The following ATP8B4 variants were observed in gnomAD, a reference collection of about 807,000 sequenced individuals.
The protein encoded by ATP8B4 is ATPase phospholipid transporting 8B4 (putative).
ATP8B4 carries 133 observed loss-of-function variants against 145.6 expected under a neutral mutation model. The observed-to-expected ratio is 0.91, with a 90% CI of 0.79 to 1.05. ATP8B4 has a LOEUF of 1.05. Ranked by LOEUF, ATP8B4 falls within the 50% of genes least tolerant of loss-of-function variation. The pLI is 0.00. For synonymous variants in ATP8B4, 507 were observed against 492.9 expected, an observed-to-expected ratio of 1.03 and a Z score of -0.38; for missense variants, 1,458 against 1,425.2, an observed-to-expected ratio of 1.02 and a Z score of -0.37.
At chr15:50,015,524 AC>A (rs1164030041) in intron 6 of ATP8B4, among the ~76,000 whole-genome samples, 2 of 152,176 alleles carry the variant, frequency 1.3e-5, no homozygotes, top group African/African-American at 4.8e-5. Flanking sequence ...ATTATGTATT[AC>A]CTATATAGAA....
intron 6 of ATP8B4, among the ~76,000 whole-genome samples, chr15:50,013,064 C>T (rs2048833990): frequency 6.6e-6 from 1 of 152,038 alleles, no homozygotes; most frequent in Non-Finnish European, 1.5e-5. Flanking sequence ...TTTTTCTTGT[C>T]CTACCTACAA....
intron 9 of ATP8B4, among the ~76,000 whole-genome samples, chr15:49,990,705 T>C (rs1462732824): frequency 6.6e-6 from 1 of 152,142 alleles, no homozygotes; most frequent in Non-Finnish European, 1.5e-5. Flanking sequence ...AAAATGGAAC[T>C]CAGTGCCCAA....
intron 6 of ATP8B4, among the ~76,000 whole-genome samples, chr15:50,031,919 T>C (rs762941969): frequency 8.5e-5 from 13 of 152,232 alleles, no homozygotes; most frequent in Admixed American, 6.5e-4. Context: ...ATACTTCACT[T>C]TTAAATGCTA....
At chr15:50,008,215 G>A (rs1440382279) in intron 7 of ATP8B4, among the ~76,000 whole-genome samples, 1 of 152,114 alleles carries the variant, frequency 6.6e-6, no homozygotes, top group African/African-American at 2.4e-5. Flanking sequence ...CTGCACACAG[G>A]TGCAGCTCAA....
Position 49,979,725 on chromosome 15 carries a change from A to G in ATP8B4, c.926T>C (p.Phe309Ser). ...CTTCTCTCCTTCATTCCAAAAGAGG[A>G]AAGTTCTGAATTGGTCCCCAGTTTG... Reference protein sequence around the residue: ...ESQTGDQFRTFLFWNEGEKSS... With the variant: ...ESQTGDQFRTSLFWNEGEKSS... The change falls in exon 12 of 28, where the codon TTC (phenylalanine) becomes TCC (serine). Residue 309 changes from phenylalanine to serine, a missense_variant. Phe to Ser is a radical substitution (Grantham distance 155). Coordinates refer to ENST00000284509, the MANE Select transcript of ATP8B4 (RefSeq NM_024837.4). 3 of 1,610,508 alleles carry G rather than the reference A, an allele frequency of 1.9e-6. No homozygotes were observed. Among genetic ancestry groups the G allele is most frequent in the Non-Finnish European group, 2.5e-6 (3 of 1,177,102 alleles).
chr15:50,151,291 A>G (rs1205659380), intron 1 of ATP8B4, among the ~76,000 whole-genome samples: 1 of 152,210 alleles, frequency 6.6e-6, no homozygotes, highest in African/African-American at 2.4e-5. Context: ...AACTTTTTCT[A>G]TACATATTAA....
intron 1 of ATP8B4, among the ~76,000 whole-genome samples, chr15:50,170,763 C>T (rs887037367): frequency 6.6e-6 from 1 of 152,064 alleles, no homozygotes; most frequent in African/African-American, 2.4e-5. Context: ...GATACAGAAC[C>T]ACAGAATGGA....
chr15:50,110,907 A>G (rs2056906386), intron 1 of ATP8B4, among the ~76,000 whole-genome samples: 1 of 134,330 alleles, frequency 7.4e-6, no homozygotes, highest in South Asian at 2.4e-4. Flanking sequence ...TTCCATAAAT[A>G]CTTTTTTTTT....
intron 1 of ATP8B4, among the ~76,000 whole-genome samples, chr15:50,155,062 T>C (rs1044986244): frequency 1.3e-5 from 2 of 152,158 alleles, no homozygotes; most frequent in Non-Finnish European, 2.9e-5. Context: ...ATAGATTACT[T>C]ATGAAAACTG....
intron 15 of ATP8B4, 92 bp downstream of exon 15, chr15:49,933,925 T>C (rs2153469596): frequency 2.2e-6 from 3 of 1,352,366 alleles, no homozygotes; most frequent in Non-Finnish European, 2.9e-6. Context: ...ACTGCTCAAA[T>C]GCTTAATTTG....
intron 1 of ATP8B4, among the ~76,000 whole-genome samples, chr15:50,114,094 T>C (rs1159458626): frequency 2.3e-5 from 3 of 131,082 alleles, no homozygotes; most frequent in Non-Finnish European, 4.8e-5. Context: ...CTTCTTGGTC[T>C]CCTAGTTTCT....
At chr15:50,007,130 A>G (rs1445539547) in intron 7 of ATP8B4, among the ~76,000 whole-genome samples, 3 of 152,186 alleles carry the variant, frequency 2.0e-5, no homozygotes, top group African/African-American at 4.8e-5. Context: ...AATAAAAGGT[A>G]AGTAACTTCT....
chr15:50,060,352 T>C (rs2052921405), intron 3 of ATP8B4, among the ~76,000 whole-genome samples: 2 of 152,186 alleles, frequency 1.3e-5, no homozygotes, highest in African/African-American at 2.4e-5. Flanking sequence ...AATCTACTCA[T>C]ATTCACCACA....
chr15:50,157,303 A>T (rs1041713514), intron 1 of ATP8B4, among the ~76,000 whole-genome samples: 1 of 152,210 alleles, frequency 6.6e-6, no homozygotes, highest in Non-Finnish European at 1.5e-5. Flanking sequence ...GCTTCTATCA[A>T]AAAGAGAGAG....
chr15:50,141,619 T>C (rs1033144970), intron 1 of ATP8B4, among the ~76,000 whole-genome samples: 1 of 152,152 alleles, frequency 6.6e-6, no homozygotes, highest in African/African-American at 2.4e-5. Context: ...ACAGGTGATT[T>C]ATACACACAT....
intron 9 of ATP8B4, among the ~76,000 whole-genome samples, chr15:49,993,588 A>G (rs2047200570): frequency 6.6e-6 from 1 of 152,038 alleles, no homozygotes; most frequent in Non-Finnish European, 1.5e-5. Context: ...ACTGGGGGGA[A>G]TCTAATTTGT....
Position 49,858,489 on chromosome 15 carries a change from T to C in ATP8B4, c.*1705A>G, listed in dbSNP as rs1050561731. The stretch of plus-strand genomic sequence containing the variant: ...AAGATTATCCCAGACTTGAAAATTT[T>C]GGTTTTAAAAAATTGTGACCTATAG... On this transcript the variant is annotated 3_prime_UTR_variant, in exon 28 of 28. Transcript: ENST00000284509. 2.0e-5 allele frequency: 3 copies of C among 152,210 alleles called. No homozygotes were observed. Among genetic ancestry groups the C allele is most frequent in the African/African-American group, 7.2e-5 (3 of 41,458 alleles). The allele number at this position is 152,210 out of a possible 1,614,324, so 9.4% of individuals were successfully genotyped here. A position where few individuals can be genotyped will look rare whatever the true frequency, so the allele number is the denominator to read the frequency against.
chr15:50,111,782 C>T (rs899969477), intron 1 of ATP8B4, among the ~76,000 whole-genome samples: 4 of 152,140 alleles, frequency 2.6e-5, no homozygotes, highest in Non-Finnish European at 5.9e-5. Context: ...AAAGGCAGAC[C>T]ATTGATGTCT....
intron 3 of ATP8B4, among the ~76,000 whole-genome samples, chr15:50,064,443 C>G (rs1265381240): frequency 1.3e-5 from 2 of 152,098 alleles, no homozygotes; most frequent in Non-Finnish European, 2.9e-5. Context: ...TGAGAACAGT[C>G]TCTCATTATT....
Sources: allele counts gnomAD v4.1 joint callset (sites outside exome capture counted in the v4.1 genomes callset), GRCh38; gene constraint gnomAD v4.1.1; transcripts MANE v1.5; gene names NCBI Gene and HGNC (gene_info 2026-07-23, HGNC 2026-07-21).